TNS2: variants seen among roughly 807,000 people sequenced by gnomAD.
The protein encoded by TNS2 is tensin 2, also known as tensin-2.
A neutral mutation model predicts 155.7 loss-of-function variants in TNS2; 77 were observed. The observed-to-expected ratio is 0.49, with a 90% confidence interval of 0.41 to 0.60. The LOEUF (loss-of-function observed/expected upper bound fraction) is 0.60, where lower values mean the gene tolerates loss of function less well. Ranked by LOEUF, TNS2 falls within the 20% of genes least tolerant of loss-of-function variation. The pLI, the probability that TNS2 is intolerant of heterozygous loss-of-function variation, is 0.00. For missense variants in TNS2, 1,703 were observed against 1,868.8 expected (o/e 0.91, Z 1.64); for synonymous variants, 726 against 763.9 (o/e 0.95, Z 0.82).
At position 53,058,445 on chromosome 12, in the gene TNS2, G is replaced by A. The variant is rs532244239; in HGVS notation, c.1225G>A (p.Asp409Asn). 266 of 1,614,154 alleles carry A rather than the reference G, an allele frequency of 1.6e-4. 3 individuals are homozygous for A. The South Asian group carries it at 2.8e-3, about 17-fold the overall frequency. Residue 409 changes from aspartate (D) to asparagine (N), a missense_variant and splice_region_variant, in exon 15 of 29, where the codon GAT (aspartate) becomes AAT (asparagine). Asp to Asn is a conservative substitution (Grantham distance 23, BLOSUM62 1). Coordinates refer to ENST00000314250, the MANE Select transcript of TNS2 (RefSeq NM_170754.4). Reference sequence around the variant, plus strand: ...GGACCAGCTTGACGAGGCCTGGACTGGTGAGTCTGAGACAAGTGGCCTGGG... The same window carrying A: ...GGACCAGCTTGACGAGGCCTGGACTAGTGAGTCTGAGACAAGTGGCCTGGG... ...PKDQLDEAWTDERFPFQASVE... is the reference protein window; with the variant it reads ...PKDQLDEAWTNERFPFQASVE...
intron 7 of TNS2, 111 bp from the exon 8 acceptor site, chr12:53,055,075 C>A: frequency 7.8e-7 from 1 of 1,288,496 alleles, no homozygotes; most frequent in Non-Finnish European, 1.1e-6. Context: ...TGAGTTACTG[C>A]GACCGGCCTG....
chr12:53,053,096 G>A, intron 3 of TNS2: 1 of 409,166 alleles, frequency 2.4e-6, no homozygotes, highest in Non-Finnish European at 4.6e-6. Context: ...GTCTCCCGGT[G>A]AAAGAAGCCA....
rs148246926 is a variant in TNS2, at chr12:53,053,978, C to T, written c.314C>T (p.Ser105Phe). Residue 105 changes from serine (S) to phenylalanine (F), a missense_variant, in exon 6 of 29, where the codon TCT becomes TTT. Physicochemically the swap from Ser to Phe is radical, Grantham distance 155. Transcript: ENST00000314250. ...RRIEHLGSTK[S>F]LNHSKQRSTL... is the part of the protein sequence containing the mutation. ...GTTAACCACCAGGGATCCACCAAATCTCTGAACCACTCAAAGCAGCGCAGC... is the reference window on the plus strand; with the variant it reads ...GTTAACCACCAGGGATCCACCAAATTTCTGAACCACTCAAAGCAGCGCAGC... 6.2e-7 allele frequency: 1 copy of T among 1,614,208 alleles called. No homozygotes were observed. Among genetic ancestry groups the T allele is most frequent in the African/African-American group, 1.3e-5 (1 of 75,054 alleles).
Position 53,058,803 on chromosome 12 carries a change from C to A in TNS2, c.1381C>A (p.Gln461Lys), listed in dbSNP as rs748886591. The A allele has an allele frequency of 1.2e-6, 2 of 1,613,718 alleles. No homozygotes were observed. Among genetic ancestry groups the A allele is most frequent in the Non-Finnish European group, 8.5e-7 (1 of 1,180,006 alleles). The change falls in exon 17 of 29, where the codon CAG (glutamine) becomes AAG (lysine). Residue 461 changes from glutamine to lysine, a missense_variant. Physicochemically the swap from Gln to Lys is moderately conservative, Grantham distance 53. Coordinates refer to ENST00000314250, the MANE Select transcript of TNS2 (RefSeq NM_170754.4). ...VRWDSYENFNQHHEDSVDGSL... is the reference protein window; with the variant it reads ...VRWDSYENFNKHHEDSVDGSL... ...CTGGGACTCCTATGAGAACTTCAAC[C>A]AGCACCACGAGGACAGTGTGGATGG...
intron 1 of TNS2, among the ~76,000 whole-genome samples, chr12:53,051,406 C>T (rs1257656048): frequency 6.6e-6 from 1 of 152,224 alleles, no homozygotes; most frequent in African/African-American, 2.4e-5. Context: ...TGGCTGAGGC[C>T]ACTCCTGCCG....
chr12:53,052,358 A>G lies in TNS2; in HGVS notation c.185-97A>G, dbSNP rs1015631158. The G allele has an allele frequency of 2.0e-6, 3 of 1,505,062 alleles. No homozygotes were observed. The African/African-American group carries it at 4.1e-5, about 21-fold the overall frequency. The allele number at this position is 1,505,062 out of a possible 1,614,324, so 93.2% of individuals were successfully genotyped here. On this transcript the variant is annotated intron_variant, in intron 2 of 28. Coordinates refer to ENST00000314250, the MANE Select transcript of TNS2 (RefSeq NM_170754.4). ...GTCCAGGTGGGATCTTGGAAGTCCC[A>G]GGGTCTGGTTCCAGGGTCTGGGAGA...
intron 2 of TNS2, 111 bp from the exon 3 acceptor site, chr12:53,052,344 A>C: frequency 1.4e-6 from 2 of 1,395,734 alleles, no homozygotes; most frequent in Non-Finnish European, 2.0e-6. Context: ...TCCAGGTGGG[A>C]TCTTGGAAGT....
chr12:53,049,190 G>A (rs1438155638), upstream of TNS2: 1 of 1,599,258 alleles, frequency 6.3e-7, no homozygotes, highest in Non-Finnish European at 8.5e-7. Flanking sequence ...CTCCTGTCCA[G>A]TCCTCAGGCC....
intron 25 of TNS2, 103 bp downstream of exon 25, chr12:53,062,800 G>A: frequency 7.1e-7 from 1 of 1,402,706 alleles, no homozygotes; most frequent in East Asian, 2.5e-5. Flanking sequence ...GGTGAGCCCT[G>A]GCCAACCCAT....
In TNS2 at chr12:53,063,919, C is replaced by A. The variant is rs774994183; in HGVS notation, c.*37C>A. On this transcript the variant is annotated 3_prime_UTR_variant, in exon 29 of 29. Transcript: ENST00000314250. This position sits in a 1 kb window ranked among gnomAD's most constrained non-coding sequence, Gnocchi z 5.6. ...AAGCTCAGAGCCCACATCAACACTG[C>A]CCCCCTCCCAGCACCCCACAGCCCT... 4.4e-6 allele frequency: 7 copies of A among 1,605,926 alleles called. No homozygotes were observed. The South Asian group carries it at 6.7e-5, about 15-fold the overall frequency.
At chr12:53,055,113 T>G in intron 7 of TNS2, 73 bp from the exon 8 acceptor site, 1 of 1,531,650 alleles carries the variant, frequency 6.5e-7, no homozygotes, top group Non-Finnish European at 9.0e-7. Context: ...AGATTCTTAC[T>G]TAGGATCCAC....
intron 2 of TNS2, 47 bp downstream of exon 2, chr12:53,052,010 C>A: frequency 6.8e-7 from 1 of 1,467,986 alleles, no homozygotes; most frequent in Admixed American, 1.8e-5. Flanking sequence ...CCCAGTACCA[C>A]TGTGTTGCAC....
Position 53,063,179 on chromosome 12 carries a change from G to A in TNS2, c.3914G>A (p.Cys1305Tyr), listed in dbSNP as rs369770934. 12 of 1,612,060 alleles carry A rather than the reference G, an allele frequency of 7.4e-6. No homozygotes were observed. Among genetic ancestry groups the A allele is most frequent in the East Asian group, 2.2e-5 (1 of 44,880 alleles). Residue 1305 changes from cysteine (C) to tyrosine (Y), a missense_variant, in exon 26 of 29, where the codon TGT becomes TAT. Cys to Tyr is a radical substitution (Grantham distance 194). Transcript: ENST00000314250. The surrounding 1 kb of genome is among the most constrained non-coding windows in gnomAD (Gnocchi z 5.6). Reference protein sequence around the residue: ...VARASSAALSCSPRPTPAVVH... With the variant: ...VARASSAALSYSPRPTPAVVH... ...CGGGCCAGCTCTGCAGCTCTGAGCTGTAGCCCCCGCCCGACACCAGCTGTT... is the reference window on the plus strand; with the variant it reads ...CGGGCCAGCTCTGCAGCTCTGAGCTATAGCCCCCGCCCGACACCAGCTGTT...
chr12:53,054,532 A>C (rs527777816), intron 7 of TNS2, 91 bp downstream of exon 7: 7 of 866,782 alleles, frequency 8.1e-6, no homozygotes, highest in East Asian at 8.2e-5. Context: ...AGCGGAGGCG[A>C]GGCCGCCAGG....
rs768896385 is a variant in TNS2, at chr12:53,059,511, G to A, written c.1870G>A (p.Gly624Arg). Residue 624 changes from glycine to arginine, a missense_variant, in exon 18 of 29, where the codon GGG (glycine) becomes AGG (arginine). Gly to Arg is a moderately radical substitution (Grantham distance 125, BLOSUM62 -2). Coordinates refer to ENST00000314250, the MANE Select transcript of TNS2 (RefSeq NM_170754.4). The surrounding 1 kb of genome is among the most constrained non-coding windows in gnomAD (Gnocchi z 4.7). ...CCTGGAGAGGAGGCGACTGGCCTACGGGGGCTATGAGGGATCCCCCCAGGG... is the reference window on the plus strand; with the variant it reads ...CCTGGAGAGGAGGCGACTGGCCTACAGGGGCTATGAGGGATCCCCCCAGGG... ...GTLERRRLAY[G>R]GYEGSPQGYA... is the part of the protein sequence containing the mutation. 3.9e-5 allele frequency: 61 copies of A among 1,577,918 alleles called. No homozygotes were observed. Among genetic ancestry groups the A allele is most frequent in the South Asian group, 8.2e-5 (7 of 85,722 alleles).
chr12:53,055,461 AC>A, intron 8 of TNS2, 106 bp from the exon 9 acceptor site: 1 of 1,380,564 alleles, frequency 7.2e-7, no homozygotes, highest in East Asian at 2.3e-5. Flanking sequence ...CAACCAGCAG[AC>A]CCCCAGCCTT....
chr12:53,061,360 C>G lies in TNS2; in HGVS notation c.3359-20C>G. 1.2e-6 allele frequency: 2 copies of G among 1,613,854 alleles called. No homozygotes were observed. Among genetic ancestry groups the G allele is most frequent in the Non-Finnish European group, 1.7e-6 (2 of 1,179,820 alleles). ...GACCCGGGTACCCTGGGGTCTGAAC[C>G]TACTCCCTCCCTGTCCTAGAGCCTC... On this transcript the variant is annotated intron_variant, in intron 20 of 28. Coordinates refer to ENST00000314250, the MANE Select transcript of TNS2 (RefSeq NM_170754.4).
chr12:53,050,288 G>A lies in TNS2; in HGVS notation c.75+28G>A. Reference sequence around the variant, plus strand: ...AGGAGTGCCCACCAGCTGGGCAAAAGAGGGGCAGGGGTGGAGGTGCGGGCA... The same window carrying A: ...AGGAGTGCCCACCAGCTGGGCAAAAAAGGGGCAGGGGTGGAGGTGCGGGCA... On this transcript the variant is annotated intron_variant, in intron 1 of 28. Coordinates refer to ENST00000314250, the MANE Select transcript of TNS2 (RefSeq NM_170754.4). This position sits in a 1 kb window ranked among gnomAD's most constrained non-coding sequence, Gnocchi z 4.7. 3.8e-6 allele frequency: 6 copies of A among 1,583,698 alleles called. No homozygotes were observed. The highest frequency in any genetic ancestry group is 2.3e-5 in the South Asian group (2 of 87,230).
chr12:53,062,718 CCCCT>C (rs1944423008), intron 25 of TNS2, 21 bp downstream of exon 25: 10 of 1,612,764 alleles, frequency 6.2e-6, no homozygotes, highest in Non-Finnish European at 8.5e-6. Flanking sequence ...CCCCTCCACT[CCCCT>C]CCCTCTCCCT....
Sources: allele counts gnomAD v4.1 joint callset (sites outside exome capture counted in the v4.1 genomes callset), GRCh38; gene constraint gnomAD v4.1.1; non-coding constraint Gnocchi (gnomAD v3.1); transcripts MANE v1.5; gene names NCBI Gene and HGNC (gene_info 2026-07-23, HGNC 2026-07-21).